The following ZNF292 variants were observed in gnomAD, a reference collection of about 807,000 sequenced individuals.
The protein encoded by ZNF292 is zinc finger protein 292.
A neutral mutation model predicts 217.9 loss-of-function variants in ZNF292; 26 were observed. The ratio of observed to expected loss-of-function variants is 0.12; its 90% CI spans 0.09 to 0.17. The LOEUF (loss-of-function observed/expected upper bound fraction) is 0.17, where lower values mean the gene tolerates loss of function less well. ZNF292 is among the 10% of genes least tolerant of loss of function. ZNF292 has a pLI of 1.00. For missense variants in ZNF292, 2,904 were observed against 3,175.2 expected, an observed-to-expected ratio of 0.91 and a Z score of 2.05; for synonymous variants, 1,257 against 1,124.1, an observed-to-expected ratio of 1.12 and a Z score of -2.37.
intron 1 of ZNF292, among the ~76,000 whole-genome samples, chr6:87,164,245 T>C (rs1770842704): frequency 6.6e-6 from 1 of 152,238 alleles, no homozygotes; most frequent in African/African-American, 2.4e-5. Context: ...CAGGCTGGTC[T>C]AAAGGCTTCA....
At chr6:87,233,989 G>A (rs1262402472) in intron 5 of ZNF292, among the ~76,000 whole-genome samples, 3 of 152,012 alleles carry the variant, frequency 2.0e-5, no homozygotes, top group Non-Finnish European at 4.4e-5. Context: ...ATATCATTTT[G>A]AGTACGTATT....
intron 1 of ZNF292, among the ~76,000 whole-genome samples, chr6:87,167,170 A>T (rs913733033): frequency 2.0e-5 from 3 of 152,228 alleles, no homozygotes; most frequent in African/African-American, 7.2e-5. Flanking sequence ...TCATTTATTT[A>T]TTCCATTAGC....
chr6:87,240,169 G>A (rs1774196265), intron 5 of ZNF292, among the ~76,000 whole-genome samples: 1 of 152,172 alleles, frequency 6.6e-6, no homozygotes, highest in South Asian at 2.1e-4. Context: ...GGCCAACACA[G>A]CGAAACCCCG....
rs570081208 is a variant in ZNF292, at chr6:87,258,751, A to C, written c.5122A>C (p.Thr1708Pro). Residue 1708 changes from threonine to proline, a missense_variant, in exon 8 of 8, where the codon ACC (threonine) becomes CCC (proline). Physicochemically the swap from Thr to Pro is conservative, Grantham distance 38. Transcript: ENST00000369577. Reference protein sequence around the residue: ...FMTDVKENFKTSLESHTVLAP... With the variant: ...FMTDVKENFKPSLESHTVLAP... ...GACTGATGTAAAAGAGAATTTCAAA[A>C]CCAGTCTTGAGTCCCATACAGTGTT... The C allele has an allele frequency of 6.2e-7, 1 of 1,613,478 alleles. No homozygotes were observed. Among genetic ancestry groups the C allele is most frequent in the African/African-American group, 1.3e-5 (1 of 75,032 alleles).
chr6:87,217,120 C>A (rs1047611110), intron 3 of ZNF292, among the ~76,000 whole-genome samples: 5 of 152,012 alleles, frequency 3.3e-5, no homozygotes, highest in Non-Finnish European at 7.4e-5. Flanking sequence ...CTCTCCATTT[C>A]TCTTTCCAGA....
chr6:87,222,850 T>C (rs926411294), intron 4 of ZNF292: 2 of 453,024 alleles, frequency 4.4e-6, no homozygotes, highest in Non-Finnish European at 8.9e-6. Flanking sequence ...TTTCAGACTT[T>C]CCTTGTTTTT....
intron 1 of ZNF292, among the ~76,000 whole-genome samples, chr6:87,172,677 A>T (rs1005076652): frequency 6.6e-6 from 1 of 152,148 alleles, no homozygotes; most frequent in Non-Finnish European, 1.5e-5. Context: ...AGGCCAAGGC[A>T]GGTGGCTTAC....
At chr6:87,177,007 A>T (rs7757827) in intron 1 of ZNF292, among the ~76,000 whole-genome samples, 15 of 151,420 alleles carry the variant, frequency 9.9e-5, no homozygotes, top group African/African-American at 3.4e-4. Context: ...CCGGCCCCCC[A>T]CTCCTCCCCA....
intron 1 of ZNF292, among the ~76,000 whole-genome samples, chr6:87,193,274 T>G (rs1486265822): frequency 6.6e-6 from 1 of 152,156 alleles, no homozygotes; most frequent in Admixed American, 6.5e-5. Context: ...CAGCTGGGTA[T>G]GGTGGTATTC....
At position 87,256,536 on chromosome 6, in the gene ZNF292, C is replaced by G; in HGVS notation, c.2907C>G (p.Asp969Glu). Residue 969 changes from aspartate (D) to glutamate (E), a missense_variant, in exon 8 of 8, where the codon GAC becomes GAG. Asp to Glu is a conservative substitution (Grantham distance 45). Transcript: ENST00000369577. ...VEGSGEALVT[D>E]LHTPVEDTCN... ...GCAGTGGTGAAGCACTGGTCACAGACTTACATACGCCAGTTGAAGATACTT... is the reference window on the plus strand; with the variant it reads ...GCAGTGGTGAAGCACTGGTCACAGAGTTACATACGCCAGTTGAAGATACTT... 1 of 1,613,340 alleles carries G rather than the reference C, an allele frequency of 6.2e-7. No individual in the cohort carries two copies. The highest frequency in any genetic ancestry group is 8.5e-7 in the Non-Finnish European group (1 of 1,179,816).
chr6:87,182,421 T>C (rs554226839), intron 1 of ZNF292, among the ~76,000 whole-genome samples: 1 of 152,232 alleles, frequency 6.6e-6, no homozygotes, highest in Non-Finnish European at 1.5e-5. Context: ...ATGACAGTCA[T>C]GTAAATTATC....
rs868191716 is a variant in ZNF292, at chr6:87,252,136, G to A, written c.1021-2514G>A. 4.2e-5 allele frequency among the ~76,000 whole-genome samples: 6 copies of A among 142,344 alleles called. No individual in the cohort carries two copies. In the East Asian group the frequency reaches 1.2e-3, roughly 28 times the overall value. 93.4% of individuals were successfully genotyped at this position (142,344 alleles called of 152,430 possible). ...ATTCTCTGAATCCTTTCTGTTTGTT[G>A]TTTGTTTTTTTTTTGTTTTTTGTGT... On this transcript the variant is annotated intron_variant, in intron 7 of 7. Transcript: ENST00000369577.
At chr6:87,231,450 C>G (rs951814404) in intron 4 of ZNF292, among the ~76,000 whole-genome samples, 4 of 152,178 alleles carry the variant, frequency 2.6e-5, no homozygotes, top group Non-Finnish European at 2.9e-5. Flanking sequence ...TTCTCTGAGC[C>G]TCAGTTTACT....
intron 1 of ZNF292, among the ~76,000 whole-genome samples, chr6:87,201,804 T>G (rs989736317): frequency 6.6e-6 from 1 of 152,244 alleles, no homozygotes; most frequent in Non-Finnish European, 1.5e-5. Context: ...TTTTCTTTCC[T>G]GTTTAAATGG....
chr6:87,185,113 A>G (rs186442101), intron 1 of ZNF292, among the ~76,000 whole-genome samples: 26 of 152,336 alleles, frequency 1.7e-4, no homozygotes, highest in Admixed American at 2.6e-4. Context: ...AATTAAGTCC[A>G]TAAGTCTACC....
chr6:87,184,115 A>G (rs1288715913), intron 1 of ZNF292, among the ~76,000 whole-genome samples: 2 of 152,244 alleles, frequency 1.3e-5, no homozygotes, highest in Non-Finnish European at 2.9e-5. Context: ...CATATAACGA[A>G]TTAGAACTCT....
chr6:87,193,791 T>C (rs1309168308), intron 1 of ZNF292, among the ~76,000 whole-genome samples: 3 of 152,162 alleles, frequency 2.0e-5, no homozygotes, highest in Non-Finnish European at 4.4e-5. Flanking sequence ...CATAAATGAA[T>C]TTTATGTTTA....
chr6:87,182,039 C>T (rs1408903751), intron 1 of ZNF292, among the ~76,000 whole-genome samples: 1 of 152,210 alleles, frequency 6.6e-6, no homozygotes, highest in East Asian at 1.9e-4. Flanking sequence ...ACATATTATC[C>T]TTGTGCTTGA....
intron 4 of ZNF292, 35 bp downstream of exon 4, chr6:87,218,766 AT>A: frequency 6.5e-7 from 1 of 1,530,524 alleles, no homozygotes; most frequent in Non-Finnish European, 8.7e-7. Flanking sequence ...AAAAAGAATA[AT>A]TAGACTAGAA....
Sources: allele counts gnomAD v4.1 joint callset (sites outside exome capture counted in the v4.1 genomes callset), GRCh38; gene constraint gnomAD v4.1.1; transcripts MANE v1.5; gene names NCBI Gene and HGNC (gene_info 2026-07-23, HGNC 2026-07-21).